CTNNA3: variants seen among roughly 807,000 people sequenced by gnomAD.
CTNNA3 encodes catenin alpha 3, also known as catenin alpha-3.
Under a neutral mutation model 95.7 loss-of-function variants are expected in CTNNA3, and 76 were observed. The ratio of observed to expected loss-of-function variants is 0.79; its 90% CI spans 0.66 to 0.96. The LOEUF (loss-of-function observed/expected upper bound fraction) is 0.96. Ranked by LOEUF, CTNNA3 falls within the 40% of genes least tolerant of loss-of-function variation. CTNNA3 has a pLI of 0.00. For missense variants in CTNNA3, 1,191 were observed against 1,089.8 expected (o/e 1.09, Z -1.31); for synonymous variants, 431 against 374.4 (o/e 1.15, Z -1.74).
chr10:66,948,345 A>C (rs550375860), intron 7 of CTNNA3, among the ~76,000 whole-genome samples: 17 of 152,196 alleles, frequency 1.1e-4, no homozygotes, highest in Non-Finnish European at 2.4e-4. Context: ...TCCAACAAGC[A>C]AAATGGACAG....
chr10:66,101,425 A>G (rs1317725034), intron 14 of CTNNA3, among the ~76,000 whole-genome samples: 1 of 152,188 alleles, frequency 6.6e-6, no homozygotes, highest in African/African-American at 2.4e-5. Context: ...TATTACCAAA[A>G]TTTGAGATAA....
chr10:67,022,781 C>CA (rs1482438710), intron 7 of CTNNA3, among the ~76,000 whole-genome samples: 5 of 151,760 alleles, frequency 3.3e-5, no homozygotes, highest in South Asian at 2.1e-4. Flanking sequence ...GCTAAAAATA[C>CA]AAAAAAATTA....
intron 11 of CTNNA3, among the ~76,000 whole-genome samples, chr10:66,464,791 A>AG (rs1354619520): frequency 6.6e-6 from 1 of 151,948 alleles, no homozygotes; most frequent in East Asian, 1.9e-4. Context: ...AAAACACCTC[A>AG]GGAAAATAAG....
intron 1 of CTNNA3, among the ~76,000 whole-genome samples, chr10:67,706,851 G>C (rs1322373040): frequency 2.6e-5 from 4 of 152,070 alleles, no homozygotes; most frequent in Non-Finnish European, 5.9e-5. Flanking sequence ...GACCCCCACA[G>C]CAATATATCT....
intron 5 of CTNNA3, among the ~76,000 whole-genome samples, chr10:67,232,489 C>A (rs573924624): frequency 6.6e-6 from 1 of 151,628 alleles, no homozygotes; most frequent in Non-Finnish European, 1.5e-5. Context: ...CCAGACCTGC[C>A]CTAAAAGAGC....
At chr10:66,932,846 T>C (rs554864394) in intron 7 of CTNNA3, among the ~76,000 whole-genome samples, 103 of 152,282 alleles carry the variant, frequency 6.8e-4, no homozygotes, top group Non-Finnish European at 1.2e-3. Context: ...TAACAATAAT[T>C]TATGATTCTT....
chr10:67,240,173 A>G (rs775147518), intron 5 of CTNNA3, among the ~76,000 whole-genome samples: 5 of 152,228 alleles, frequency 3.3e-5, no homozygotes, highest in African/African-American at 2.4e-5. Context: ...AAGGGAGCTT[A>G]TAAAAAGAGG....
intron 4 of CTNNA3, among the ~76,000 whole-genome samples, chr10:67,528,222 T>C (rs935856862): frequency 1.3e-5 from 2 of 152,216 alleles, no homozygotes; most frequent in African/African-American, 4.8e-5. Context: ...AAAAGTGTCT[T>C]CAACTTGATG....
intron 5 of CTNNA3, among the ~76,000 whole-genome samples, chr10:67,298,679 C>A (rs1037983715): frequency 4.6e-5 from 7 of 152,124 alleles, no homozygotes; most frequent in African/African-American, 1.7e-4. Flanking sequence ...GTTGTCCCTG[C>A]CATGTAAATG....
intron 14 of CTNNA3, among the ~76,000 whole-genome samples, chr10:66,074,224 AATAT>A (rs5785746): frequency 3.3e-5 from 5 of 150,532 alleles, no homozygotes; most frequent in South Asian, 4.2e-4. Flanking sequence ...CCACTCTACA[AATAT>A]ATATATATAT....
chr10:66,529,902 C>G (rs1179091331), intron 10 of CTNNA3, among the ~76,000 whole-genome samples: 1 of 152,116 alleles, frequency 6.6e-6, no homozygotes, highest in Non-Finnish European at 1.5e-5. Flanking sequence ...TATTACCTCT[C>G]CAGGACCTAT....
chr10:66,669,467 G>A (rs563066168), intron 9 of CTNNA3, among the ~76,000 whole-genome samples: 4 of 150,668 alleles, frequency 2.7e-5, no homozygotes, highest in East Asian at 2.0e-4. Flanking sequence ...CACTTGAACC[G>A]GGAGGCAGAG....
At chr10:66,923,728 C>G (rs770136225) in intron 7 of CTNNA3, among the ~76,000 whole-genome samples, 23 of 152,178 alleles carry the variant, frequency 1.5e-4, no homozygotes, top group Non-Finnish European at 3.1e-4. Flanking sequence ...TTTGTATATA[C>G]CTCCTTTAAG....
intron 7 of CTNNA3, among the ~76,000 whole-genome samples, chr10:67,134,501 C>G (rs1860196958): frequency 6.6e-6 from 1 of 152,056 alleles, no homozygotes; most frequent in South Asian, 2.1e-4. Context: ...CTCACAAACC[C>G]TCTCATTAAA....
intron 5 of CTNNA3, among the ~76,000 whole-genome samples, chr10:67,304,245 G>A (rs1230900272): frequency 6.6e-6 from 1 of 152,076 alleles, no homozygotes; most frequent in Admixed American, 6.5e-5. Flanking sequence ...TTCAGAATTT[G>A]TCTGAATGTG....
At chr10:66,423,256 T>C (rs10822827) in intron 11 of CTNNA3, among the ~76,000 whole-genome samples, 37,633 of 152,022 alleles carry the variant, frequency 0.25, 5,734 homozygotes, top group East Asian at 0.52. Context: ...TATGTGAAGC[T>C]GGCCTATAAT....
chr10:66,637,839 A>C (rs1335735395), intron 9 of CTNNA3, among the ~76,000 whole-genome samples: 1 of 152,124 alleles, frequency 6.6e-6, no homozygotes, highest in Admixed American at 6.6e-5. Flanking sequence ...TCAGCCTCTG[A>C]CTACTATGGA....
At chr10:67,266,103 T>C (rs1564522322) in intron 5 of CTNNA3, among the ~76,000 whole-genome samples, 2 of 152,084 alleles carry the variant, frequency 1.3e-5, no homozygotes, top group Admixed American at 1.3e-4. Context: ...GAAGCTGATA[T>C]ACGCTAGAAA....
intron 7 of CTNNA3, among the ~76,000 whole-genome samples, chr10:67,120,004 T>C (rs930902032): frequency 6.6e-6 from 1 of 151,916 alleles, no homozygotes; most frequent in Non-Finnish European, 1.5e-5. Context: ...ATCTTAGCTC[T>C]AGATAAAGAG....
Sources: allele counts gnomAD v4.1 joint callset (sites outside exome capture counted in the v4.1 genomes callset), GRCh38; gene constraint gnomAD v4.1.1; transcripts MANE v1.5; gene names NCBI Gene and HGNC (gene_info 2026-07-23, HGNC 2026-07-21).